Variants in RARB observed in about 807,000 individuals in gnomAD.
RARB encodes the protein HBV-activated protein.
RARB carries 17 observed loss-of-function variants against 51.9 expected under a neutral mutation model. That is an observed-to-expected ratio of 0.33 (90% CI 0.22 to 0.49). The LOEUF (loss-of-function observed/expected upper bound fraction) is 0.49. Among genes scored for constraint, RARB ranks in the 20% least tolerant of loss-of-function variants. The pLI is 0.99. For missense variants in RARB, 369 were observed against 550.8 expected, an observed-to-expected ratio of 0.67 and a Z score of 3.30; for synonymous variants, 215 against 195.4, an observed-to-expected ratio of 1.10 and a Z score of -0.84.
Position 25,428,400 on chromosome 3 carries a change from C to T in RARB, c.-332C>T. The T allele has an allele frequency of 7.9e-7, 1 of 1,266,100 alleles. No individual in the cohort carries two copies. The highest frequency in any genetic ancestry group is 9.9e-7 in the Non-Finnish European group (1 of 1,007,970). 78.4% of individuals were successfully genotyped at this position (1,266,100 alleles called of 1,614,324 possible). Reference sequence around the variant, plus strand: ...CGCGAGCGATCCGAGCAGGGTTTGTCTGGGCACCGTCGGGGTAGGATCCGG... The same window carrying T: ...CGCGAGCGATCCGAGCAGGGTTTGTTTGGGCACCGTCGGGGTAGGATCCGG... On this transcript the variant is annotated 5_prime_UTR_variant, in exon 1 of 8. Transcript: ENST00000330688.
intron 5 of RARB, among the ~76,000 whole-genome samples, chr3:25,318,575 A>G (rs1294193394): frequency 2.0e-5 from 3 of 152,184 alleles, no homozygotes; most frequent in Admixed American, 6.5e-5. Context: ...AATAAGCAAG[A>G]GTGTCATTAC....
At chr3:25,580,307 G>A (rs991402268) in intron 4 of RARB, among the ~76,000 whole-genome samples, 1 of 152,226 alleles carries the variant, frequency 6.6e-6, no homozygotes, top group East Asian at 1.9e-4. Context: ...CCGGGAGGTG[G>A]AGGTTGCAGT....
At chr3:24,995,113 A>G (rs1003478153) in intron 2 of RARB, among the ~76,000 whole-genome samples, 1 of 152,070 alleles carries the variant, frequency 6.6e-6, no homozygotes, top group East Asian at 1.9e-4. Flanking sequence ...GATTCTTCCA[A>G]TTCATGAACG....
chr3:25,430,448 G>GT (rs1708156230), intron 1 of RARB, among the ~76,000 whole-genome samples: 1 of 152,152 alleles, frequency 6.6e-6, no homozygotes, highest in Non-Finnish European at 1.5e-5. Context: ...AATGAAACAT[G>GT]TTTTTTAACA....
At chr3:25,011,279 A>G (rs780957698) in intron 2 of RARB, among the ~76,000 whole-genome samples, 3 of 151,998 alleles carry the variant, frequency 2.0e-5, no homozygotes, top group Non-Finnish European at 4.4e-5. Flanking sequence ...AGATCGGGGG[A>G]AGTTGAGGAG....
intron 5 of RARB, among the ~76,000 whole-genome samples, chr3:25,205,435 C>T (rs780768941): frequency 3.9e-5 from 6 of 152,164 alleles, no homozygotes; most frequent in Non-Finnish European, 8.8e-5. Flanking sequence ...CACTGTCCTG[C>T]ACCCACTGTC....
intron 2 of RARB, among the ~76,000 whole-genome samples, chr3:24,940,869 T>C (rs549777818): frequency 1.7e-4 from 26 of 152,186 alleles, no homozygotes; most frequent in Non-Finnish European, 3.1e-4. Flanking sequence ...CCATCTTATA[T>C]ATTCTTTGTG....
rs115119065 is a variant in RARB at position 25,248,878 on chromosome 3, T to C, written c.178+74303T>C. ...CTGTTGTTTGAATTCTCTTTGTCTT[T>C]CACTTTTGACAGTTGGGCTACACTC... On this transcript the variant is annotated intron_variant, in intron 5 of 11. Coordinates refer to the RARB transcript ENST00000383772. 9.0e-3 allele frequency among the ~76,000 whole-genome samples: 1,378 copies of C among 152,314 alleles called. 25 individuals are homozygous for C. The highest frequency in any genetic ancestry group is 0.032 in the African/African-American group (1,315 of 41,586).
chr3:25,235,098 T>G (rs893494129), intron 5 of RARB, among the ~76,000 whole-genome samples: 1 of 152,192 alleles, frequency 6.6e-6, no homozygotes, highest in Non-Finnish European at 1.5e-5. Context: ...ACTACATTGT[T>G]CTCCAGCACA....
intron 5 of RARB, among the ~76,000 whole-genome samples, chr3:25,405,672 T>C (rs899851432): frequency 2.6e-5 from 4 of 152,244 alleles, no homozygotes; most frequent in African/African-American, 9.6e-5. Context: ...AAATAAAAAA[T>C]TCTGTTGTTC....
At chr3:25,123,184 C>G (rs1699811105) in intron 3 of RARB, among the ~76,000 whole-genome samples, 1 of 152,162 alleles carries the variant, frequency 6.6e-6, no homozygotes, top group Non-Finnish European at 1.5e-5. Flanking sequence ...GCTTCTGGCT[C>G]CATTCATTGA....
intron 2 of RARB, among the ~76,000 whole-genome samples, chr3:25,051,044 C>T (rs1046437554): frequency 2.0e-5 from 3 of 152,044 alleles, no homozygotes; most frequent in East Asian, 1.9e-4. Flanking sequence ...TTTATGGCTT[C>T]TGGGAGGAGG....
chr3:25,461,737 T>A (rs1695196882), intron 2 of RARB, among the ~76,000 whole-genome samples: 1 of 152,012 alleles, frequency 6.6e-6, no homozygotes, highest in South Asian at 2.1e-4. Context: ...CTACTAAAAA[T>A]ACAAAAATTA....
At chr3:25,198,967 G>A (rs1449988820) in intron 5 of RARB, among the ~76,000 whole-genome samples, 1 of 151,822 alleles carries the variant, frequency 6.6e-6, no homozygotes, top group Non-Finnish European at 1.5e-5. Context: ...AAGGAAATCG[G>A]TATATTGAAG....
At chr3:24,963,856 G>A (rs559051812) in intron 2 of RARB, among the ~76,000 whole-genome samples, 32 of 151,882 alleles carry the variant, frequency 2.1e-4, no homozygotes, top group African/African-American at 7.5e-4. Flanking sequence ...TCTTTAAAAG[G>A]AATTTCAGAG....
intron 2 of RARB, among the ~76,000 whole-genome samples, chr3:25,466,584 G>A (rs1695442999): frequency 6.6e-6 from 1 of 152,170 alleles, no homozygotes; most frequent in African/African-American, 2.4e-5. Context: ...TTCTTGTAGT[G>A]TTCTTTCTGC....
intron 3 of RARB, among the ~76,000 whole-genome samples, chr3:25,115,641 T>G (rs1303124432): frequency 6.6e-6 from 1 of 151,656 alleles, no homozygotes; most frequent in East Asian, 1.9e-4. Context: ...TTCCTTTCTT[T>G]TTCTTTCTTT....
rs1031574981 is a variant in RARB at position 24,862,097 on chromosome 3, G to A, written c.-380+3345G>A. On this transcript the variant is annotated intron_variant, in intron 2 of 11. Coordinates refer to the RARB transcript ENST00000383772. ...TTCCAATGGTAGCACTAGTACCTAT[G>A]TGTGAGACACACTGCTCTTCACAAC... Among the ~76,000 whole-genome samples the A allele has an allele frequency of 5.3e-5, 8 of 152,148 alleles. No homozygotes were observed. In the South Asian group the frequency reaches 1.4e-3, roughly 28 times the overall value.
intron 4 of RARB, among the ~76,000 whole-genome samples, chr3:25,578,408 C>T (rs751985763): frequency 5.9e-5 from 9 of 152,206 alleles, no homozygotes; most frequent in East Asian, 1.9e-4. Context: ...TCAGCCCTGG[C>T]GCGTGATAAA....
Sources: gnomAD v4.1 joint callset for allele counts (sites outside exome capture counted in the v4.1 genomes callset) on GRCh38, gnomAD v4.1.1 for gene constraint, MANE v1.5 for transcripts, NCBI Gene and HGNC (gene_info 2026-07-23, HGNC 2026-07-21) for gene names.